Variants in ARFIP1 observed in about 807,000 individuals in gnomAD.
ARFIP1 encodes arfaptin-1.
In ARFIP1, 24 loss-of-function variants were observed where a neutral mutation model predicts 42.5. The observed-to-expected ratio is 0.57, with a 90% CI of 0.41 to 0.80. ARFIP1 has a LOEUF of 0.80. Ranked by LOEUF, ARFIP1 falls within the 30% of genes least tolerant of loss-of-function variation. ARFIP1 has a pLI of 0.00. For missense variants in ARFIP1, 354 were observed against 434.0 expected (o/e 0.82, Z 1.64); for synonymous variants, 141 against 153.7 (o/e 0.92, Z 0.61).
chr4:152,818,868 G>A (rs1318533400), intron 1 of ARFIP1, among the ~76,000 whole-genome samples: 2 of 152,080 alleles, frequency 1.3e-5, no homozygotes, highest in Non-Finnish European at 2.9e-5. Flanking sequence ...TCCTTCCCAC[G>A]CAGATTCTTT....
chr4:152,821,508 A>T (rs1730365456), intron 1 of ARFIP1, among the ~76,000 whole-genome samples: 1 of 152,192 alleles, frequency 6.6e-6, no homozygotes, highest in Admixed American at 6.5e-5. Flanking sequence ...CAAAATGGCC[A>T]AACTTAACAA....
At chr4:152,909,247 T>A (rs1200556612) in intron 8 of ARFIP1, among the ~76,000 whole-genome samples, 1 of 152,080 alleles carries the variant, frequency 6.6e-6, no homozygotes, top group East Asian at 1.9e-4. Context: ...TAGCTGGGCA[T>A]GGTGGTGCAC....
At chr4:152,812,851 A>G (rs1188522481) in intron 1 of ARFIP1, among the ~76,000 whole-genome samples, 2 of 152,192 alleles carry the variant, frequency 1.3e-5, no homozygotes, top group Non-Finnish European at 2.9e-5. Flanking sequence ...CATTTCCACA[A>G]TCCAGTTACT....
intron 1 of ARFIP1, among the ~76,000 whole-genome samples, chr4:152,822,405 T>C (rs1336748073): frequency 6.6e-6 from 1 of 151,608 alleles, no homozygotes; most frequent in African/African-American, 2.4e-5. Context: ...GGAGCTTCCA[T>C]GTTTGTAAAG....
intron 2 of ARFIP1, 123 bp downstream of exon 2, chr4:152,829,849 T>C: frequency 2.8e-6 from 2 of 725,802 alleles, no homozygotes; most frequent in East Asian, 5.6e-5. Context: ...GTCAGGAATC[T>C]AATGTTATTA....
chr4:152,818,898 C>T (rs190438904), intron 1 of ARFIP1, among the ~76,000 whole-genome samples: 2 of 152,270 alleles, frequency 1.3e-5, no homozygotes, highest in Admixed American at 6.5e-5. Flanking sequence ...AAAGCATGTG[C>T]GCTTCTCCCT....
At chr4:152,815,162 T>G (rs1277897713) in intron 1 of ARFIP1, among the ~76,000 whole-genome samples, 1 of 152,168 alleles carries the variant, frequency 6.6e-6, no homozygotes, top group Non-Finnish European at 1.5e-5. Context: ...CAGAGTGTAG[T>G]TTTTAGATTC....
intron 8 of ARFIP1, among the ~76,000 whole-genome samples, chr4:152,904,662 C>T (rs1228094014): frequency 6.6e-6 from 1 of 151,912 alleles, no homozygotes; most frequent in Non-Finnish European, 1.5e-5. Context: ...GTTTTTTGTT[C>T]CTGTGTTAGT....
At chr4:152,885,465 T>G (rs1446662036) in intron 7 of ARFIP1, among the ~76,000 whole-genome samples, 4 of 151,942 alleles carry the variant, frequency 2.6e-5, no homozygotes, top group African/African-American at 9.7e-5. Flanking sequence ...CTCTAGAAGT[T>G]TTACATAAGC....
At position 152,880,955 on chromosome 4, in the gene ARFIP1, A is replaced by G. The variant is rs749052109; in HGVS notation, c.412-8A>G. Reference sequence around the variant, plus strand: ...TCTTTCTAAACAAAATGCATCTTCCACTTTTAGTGTACTCGACAGATTATC... The same window carrying G: ...TCTTTCTAAACAAAATGCATCTTCCGCTTTTAGTGTACTCGACAGATTATC... On this transcript the variant is annotated splice_region_variant and splice_polypyrimidine_tract_variant and intron_variant, in intron 5 of 8. Coordinates refer to ENST00000353617, the MANE Select transcript of ARFIP1 (RefSeq NM_001025595.3). 5.0e-6 allele frequency: 8 copies of G among 1,600,612 alleles called. No individual in the cohort carries two copies. The highest frequency in any genetic ancestry group is 1.7e-5 in the Admixed American group (1 of 58,002).
intron 2 of ARFIP1, among the ~76,000 whole-genome samples, chr4:152,862,424 A>T (rs1733965836): frequency 6.6e-6 from 1 of 151,972 alleles, no homozygotes; most frequent in South Asian, 2.1e-4. Context: ...CACCTGATTA[A>T]GATGTGTATG....
At chr4:152,832,945 A>G (rs1257331054) in intron 2 of ARFIP1, among the ~76,000 whole-genome samples, 1 of 152,252 alleles carries the variant, frequency 6.6e-6, no homozygotes. Flanking sequence ...TAAAACTTCT[A>G]GAAGAAAACA....
At chr4:152,886,528 T>C (rs746465342) in intron 7 of ARFIP1, among the ~76,000 whole-genome samples, 3 of 152,040 alleles carry the variant, frequency 2.0e-5, no homozygotes, top group Non-Finnish European at 2.9e-5. Flanking sequence ...CTGATTTCTG[T>C]ATCCCAATTC....
At chr4:152,866,919 C>T (rs1454727537) in intron 3 of ARFIP1, among the ~76,000 whole-genome samples, 1 of 151,652 alleles carries the variant, frequency 6.6e-6, no homozygotes, top group Non-Finnish European at 1.5e-5. Flanking sequence ...CAGAGACGCT[C>T]CTCACTTCCT....
chr4:152,908,975 T>C (rs1427582579), intron 8 of ARFIP1, among the ~76,000 whole-genome samples: 1 of 151,858 alleles, frequency 6.6e-6, no homozygotes, highest in Non-Finnish European at 1.5e-5. Flanking sequence ...TCCTGTTTTT[T>C]CATTTAGCAT....
chr4:152,901,036 A>G (rs1360955409), intron 8 of ARFIP1, among the ~76,000 whole-genome samples: 16 of 152,190 alleles, frequency 1.1e-4, no homozygotes. Flanking sequence ...GATTACTTTC[A>G]GTGGCAAAAC....
intron 1 of ARFIP1, among the ~76,000 whole-genome samples, chr4:152,805,072 ATGAG>A (rs1027967948): frequency 6.6e-6 from 1 of 152,176 alleles, no homozygotes; most frequent in Non-Finnish European, 1.5e-5. Flanking sequence ...ATTTTTAGTG[ATGAG>A]TGTTAGGATT....
At chr4:152,896,447 A>G (rs950967071) in intron 8 of ARFIP1, among the ~76,000 whole-genome samples, 3 of 152,234 alleles carry the variant, frequency 2.0e-5, no homozygotes, top group Non-Finnish European at 4.4e-5. Flanking sequence ...TAATGATAGA[A>G]AACTCCTCAG....
intron 8 of ARFIP1, among the ~76,000 whole-genome samples, chr4:152,893,464 A>G (rs1032262356): frequency 6.6e-6 from 1 of 152,136 alleles, no homozygotes; most frequent in African/African-American, 2.4e-5. Flanking sequence ...ATGTGAAAAA[A>G]TAGTTGAAGG....
Sources: gnomAD v4.1 joint callset for allele counts (sites outside exome capture counted in the v4.1 genomes callset) on GRCh38, gnomAD v4.1.1 for gene constraint, MANE v1.5 for transcripts, NCBI Gene and HGNC (gene_info 2026-07-23, HGNC 2026-07-21) for gene names.